The following MTMR7 variants were observed in gnomAD, a reference collection of about 807,000 sequenced individuals.
The protein encoded by MTMR7 is myotubularin related protein 7.
Under a neutral mutation model 81.2 loss-of-function variants are expected in MTMR7, and 76 were observed. That is an observed-to-expected ratio of 0.94 (90% CI 0.78 to 1.13). The LOEUF (loss-of-function observed/expected upper bound fraction) is 1.13. MTMR7 is among the 50% of genes most tolerant of loss of function. The pLI, the probability that MTMR7 is intolerant of heterozygous loss-of-function variation, is 0.00. For synonymous variants in MTMR7, 372 were observed against 289.8 expected (o/e 1.28, Z -2.88); for missense variants, 1,044 against 820.0 (o/e 1.27, Z -3.34).
chr8:17,385,386 A>G (rs1585112670), intron 1 of MTMR7, among the ~76,000 whole-genome samples: 1 of 152,154 alleles, frequency 6.6e-6, no homozygotes, highest in African/African-American at 2.4e-5. Context: ...AGGTAACTGA[A>G]TCATGGGGCT....
intron 1 of MTMR7, among the ~76,000 whole-genome samples, chr8:17,390,504 C>T (rs1821075146): frequency 6.6e-6 from 1 of 152,096 alleles, no homozygotes; most frequent in Non-Finnish European, 1.5e-5. Flanking sequence ...ACTGTATCAC[C>T]ACGTATGTGT....
intron 1 of MTMR7, among the ~76,000 whole-genome samples, chr8:17,389,123 C>A (rs1821031121): frequency 1.3e-5 from 2 of 152,118 alleles, no homozygotes; most frequent in South Asian, 4.1e-4. Context: ...TCACCAAGTG[C>A]AACATACTCA....
At chr8:17,300,421 A>T in intron 13 of MTMR7, 197 bp from the exon 14 acceptor site, 1 of 597,906 alleles carries the variant, frequency 1.7e-6, no homozygotes, top group Non-Finnish European at 2.9e-6. Flanking sequence ...TAATGTAAGG[A>T]TAATACCTGC....
intron 10 of MTMR7, among the ~76,000 whole-genome samples, chr8:17,306,713 G>C (rs983034220): frequency 6.6e-6 from 1 of 152,166 alleles, no homozygotes; most frequent in Non-Finnish European, 1.5e-5. Context: ...GAAGAGGAAT[G>C]AGCAATGATC....
At chr8:17,384,298 C>A (rs1047997538) in intron 1 of MTMR7, among the ~76,000 whole-genome samples, 2 of 152,006 alleles carry the variant, frequency 1.3e-5, no homozygotes, top group South Asian at 2.1e-4. Flanking sequence ...GTAGGCCCAG[C>A]TACTTAGGAG....
At chr8:17,324,270 G>C (rs1818555924) in intron 7 of MTMR7, among the ~76,000 whole-genome samples, 1 of 152,196 alleles carries the variant, frequency 6.6e-6, no homozygotes, top group Non-Finnish European at 1.5e-5. Flanking sequence ...GAATAGATGA[G>C]CGTCTGCGAT....
intron 1 of MTMR7, among the ~76,000 whole-genome samples, chr8:17,402,306 T>C (rs1001352772): frequency 1.3e-5 from 2 of 152,170 alleles, no homozygotes; most frequent in African/African-American, 4.8e-5. Context: ...TAAATTATTA[T>C]TCACCCTGTT....
rs1049336087 is a variant in MTMR7, at chr8:17,299,520, G to GT, written c.*341dup. 5 of 206,972 alleles carry GT rather than the reference G, an allele frequency of 2.4e-5. No homozygotes were observed. Among genetic ancestry groups the GT allele is most frequent in the Non-Finnish European group, 4.9e-5 (5 of 101,546 alleles). 12.8% of individuals were successfully genotyped at this position (206,972 alleles called of 1,614,324 possible). On this transcript the variant is annotated 3_prime_UTR_variant, in exon 14 of 14. Coordinates refer to ENST00000180173, the MANE Select transcript of MTMR7 (RefSeq NM_004686.5). ...ATGATCACAGATGTGAGGGAAAGGA[G>GT]TGGAGGCTTTTTGAGAGATGCATGC... is the stretch of plus-strand genomic sequence containing the variant.
At chr8:17,321,544 T>A (rs927434966) in intron 7 of MTMR7, among the ~76,000 whole-genome samples, 1 of 152,236 alleles carries the variant, frequency 6.6e-6, no homozygotes, top group Admixed American at 6.5e-5. Flanking sequence ...AGATGATTAA[T>A]AGACATGGGC....
At position 17,331,229 on chromosome 8, in the gene MTMR7, A is replaced by G. The variant is rs745566134; in HGVS notation, c.786T>C (p.Asn262=). 6.2e-7 allele frequency: 1 copy of G among 1,612,568 alleles called. No homozygotes were observed. Among genetic ancestry groups the G allele is most frequent in the Non-Finnish European group, 8.5e-7 (1 of 1,179,526 alleles). The change falls in exon 7 of 14, where the codon AAT becomes AAC. Residue 262 remains asparagine (N), a synonymous_variant. Coordinates refer to ENST00000180173, the MANE Select transcript of MTMR7 (RefSeq NM_004686.5). The part of the protein sequence containing the change: ...AAGKGYENED[N]YSNIKFQFIG... ...TAAACTGAAACTTGATATTGGAATAATTGTCTTCATTCTCATAGCCTTTCC... is the reference window on the plus strand; with the variant it reads ...TAAACTGAAACTTGATATTGGAATAGTTGTCTTCATTCTCATAGCCTTTCC...
In MTMR7 at chr8:17,361,389, C is replaced by T. The variant is rs1012679728; in HGVS notation, c.311-115G>A. ...CCAGAGAGGCCATCCCAACCCCCAC[C>T]CCCAGCACACTCTTGGGAGTAACCT... is the stretch of plus-strand genomic sequence containing the variant. On this transcript the variant is annotated intron_variant, in intron 3 of 13. Transcript: ENST00000180173. 4 of 1,070,156 alleles carry T rather than the reference C, an allele frequency of 3.7e-6. No homozygotes were observed. In the East Asian group the frequency reaches 7.4e-5, roughly 20 times the overall value. 66.3% of individuals were successfully genotyped at this position (1,070,156 alleles called of 1,614,324 possible).
At chr8:17,401,063 G>C (rs936651246) in intron 1 of MTMR7, among the ~76,000 whole-genome samples, 4 of 152,032 alleles carry the variant, frequency 2.6e-5, no homozygotes, top group Non-Finnish European at 5.9e-5. Context: ...CTAGCTGCCA[G>C]GTACCTTTGC....
At chr8:17,301,458 T>G (rs1432741848) in intron 13 of MTMR7, among the ~76,000 whole-genome samples, 2 of 152,146 alleles carry the variant, frequency 1.3e-5, no homozygotes, top group Non-Finnish European at 2.9e-5. Context: ...AAGGTCTAAA[T>G]TGTATACAAG....
rs192466493 is a variant in MTMR7, at chr8:17,314,429, T to C, written c.866-1028A>G. 1.2e-3 allele frequency among the ~76,000 whole-genome samples: 184 copies of C among 152,290 alleles called. 7 individuals are homozygous for C. In the East Asian group the frequency reaches 0.033, roughly 28 times the overall value. On this transcript the variant is annotated intron_variant, in intron 7 of 13. Transcript: ENST00000180173. ...AGCCTCAATTTCTTCATTTTTAAAA[T>C]GGGGAAGGTGTATAAATTATATCCT...
rs1003142405 is a variant in MTMR7 at position 17,336,259 on chromosome 8, C to G, written c.733-4977G>C. The stretch of plus-strand genomic sequence containing the variant: ...CCAGTCACCTACAGCTGAAGACACC[C>G]GGCGGCTGAGCCCTTTTAGGAATGC... On this transcript the variant is annotated intron_variant, in intron 6 of 13. Transcript: ENST00000180173. Among the ~76,000 whole-genome samples, 6 of 152,158 alleles carry G rather than the reference C, an allele frequency of 3.9e-5. No homozygotes were observed. In the South Asian group the frequency reaches 1.0e-3, roughly 26 times the overall value.
chr8:17,338,590 G>A (rs890934953), intron 6 of MTMR7: 4 of 152,186 alleles, frequency 2.6e-5, no homozygotes, highest in African/African-American at 9.7e-5. Flanking sequence ...AGGGTACGAA[G>A]AAGAGGTGGG....
chr8:17,410,062 T>C (rs1479272826), intron 1 of MTMR7, among the ~76,000 whole-genome samples: 1 of 152,168 alleles, frequency 6.6e-6, no homozygotes, highest in South Asian at 2.1e-4. Flanking sequence ...CTAGGAAACT[T>C]AGCAGGGAAG....
intron 4 of MTMR7, among the ~76,000 whole-genome samples, chr8:17,355,072 T>C (rs764659144): frequency 7.2e-5 from 11 of 152,194 alleles, no homozygotes; most frequent in Non-Finnish European, 1.3e-4. Context: ...ATATGAGTCA[T>C]GTTTATGCGC....
At chr8:17,382,528 T>A (rs972267093) in intron 1 of MTMR7, among the ~76,000 whole-genome samples, 4 of 152,224 alleles carry the variant, frequency 2.6e-5, no homozygotes, top group African/African-American at 9.7e-5. Flanking sequence ...ATAAAGACTT[T>A]CATTTGACTT....
Sources: allele counts gnomAD v4.1 joint callset (sites outside exome capture counted in the v4.1 genomes callset), GRCh38; gene constraint gnomAD v4.1.1; transcripts MANE v1.5; gene names NCBI Gene and HGNC (gene_info 2026-07-23, HGNC 2026-07-21).